SNCAIP: variants seen among roughly 807,000 people sequenced by gnomAD.
The protein encoded by SNCAIP is synuclein alpha interacting protein.
A neutral mutation model predicts 86.7 loss-of-function variants in SNCAIP; 43 were observed. The ratio of observed to expected loss-of-function variants is 0.50; its 90% CI spans 0.39 to 0.64. The LOEUF (loss-of-function observed/expected upper bound fraction) is 0.64, where lower values mean the gene tolerates loss of function less well. Among genes scored for constraint, SNCAIP ranks in the 30% least tolerant of loss-of-function variants. SNCAIP has a pLI of 0.00. For missense variants in SNCAIP, 981 were observed against 1,103.1 expected (o/e 0.89, Z 1.57); for synonymous variants, 417 against 427.2 (o/e 0.98, Z 0.29).
At chr5:122,416,097 A>T (rs1327718365) in intron 3 of SNCAIP, among the ~76,000 whole-genome samples, 2 of 152,214 alleles carry the variant, frequency 1.3e-5, no homozygotes, top group Non-Finnish European at 2.9e-5. Flanking sequence ...TTGGTGAAGT[A>T]TCTTTTCTAT....
At chr5:122,454,646 G>A (rs1784362227) in intron 10 of SNCAIP, 1 of 152,676 alleles carries the variant, frequency 6.5e-6, no homozygotes, top group African/African-American at 2.4e-5. Context: ...TGGGAGGAAT[G>A]TGTTTTCTGG....
chr5:122,382,784 C>A (rs1767150532), intron 1 of SNCAIP, among the ~76,000 whole-genome samples: 1 of 152,188 alleles, frequency 6.6e-6, no homozygotes, highest in African/African-American at 2.4e-5. Flanking sequence ...AGCTGCAGGT[C>A]TGTTGGAATA....
At chr5:122,411,357 T>G (rs1774077921) in intron 3 of SNCAIP, among the ~76,000 whole-genome samples, 1 of 152,200 alleles carries the variant, frequency 6.6e-6, no homozygotes, top group South Asian at 2.1e-4. Flanking sequence ...CCATCCCATC[T>G]TCCCATACTT....
intron 2 of SNCAIP, among the ~76,000 whole-genome samples, chr5:122,397,464 G>A (rs1369068233): frequency 6.6e-6 from 1 of 151,990 alleles, no homozygotes; most frequent in Non-Finnish European, 1.5e-5. Flanking sequence ...GAGTTACTGA[G>A]TTTTCTCAAA....
intron 1 of SNCAIP, among the ~76,000 whole-genome samples, chr5:122,337,671 T>C (rs975838476): frequency 6.6e-6 from 1 of 152,186 alleles, no homozygotes; most frequent in Non-Finnish European, 1.5e-5. Flanking sequence ...CCCAAGAAGC[T>C]GGGACTGCAG....
chr5:122,434,508 A>C (rs1778998295), intron 6 of SNCAIP, among the ~76,000 whole-genome samples: 1 of 152,182 alleles, frequency 6.6e-6, no homozygotes, highest in Non-Finnish European at 1.5e-5. Context: ...CTAGAGGAAA[A>C]TATGGAAATT....
In SNCAIP at chr5:122,444,892, G is replaced by T; in HGVS notation, c.1592+160G>T. 5 of 711,628 alleles carry T rather than the reference G, an allele frequency of 7.0e-6. No homozygotes were observed. The South Asian group carries it at 7.7e-5, about 11-fold the overall frequency. 44.1% of individuals were successfully genotyped at this position (711,628 alleles called of 1,614,324 possible). A position where few individuals can be genotyped will look rare whatever the true frequency, so the allele number is the denominator to read the frequency against. On this transcript the variant is annotated intron_variant, in intron 8 of 10. Transcript: ENST00000261368. ...TCCATCCAAAGTCCTCACAGCCAGC[G>T]TTCGTGCTGAAGATGCCATCTCTGC... is the stretch of plus-strand genomic sequence containing the variant.
At chr5:122,407,279 A>G (rs2152885515) in intron 3 of SNCAIP, among the ~76,000 whole-genome samples, 1 of 152,298 alleles carries the variant, frequency 6.6e-6, no homozygotes. Context: ...AAAACCAGCA[A>G]AGAGTGTTGA....
intron 1 of SNCAIP, among the ~76,000 whole-genome samples, chr5:122,345,112 T>C (rs938727647): frequency 6.6e-6 from 1 of 152,164 alleles, no homozygotes; most frequent in African/African-American, 2.4e-5. Context: ...CCACTGAAAT[T>C]TTATATGACA....
intron 3 of SNCAIP, among the ~76,000 whole-genome samples, chr5:122,420,310 A>G (rs1046257179): frequency 8.5e-5 from 13 of 152,204 alleles, no homozygotes; most frequent in Non-Finnish European, 1.9e-4. Context: ...TATGGTATCC[A>G]TTTCCCTGTA....
At chr5:122,400,034 A>C (rs1270972426) in intron 2 of SNCAIP, among the ~76,000 whole-genome samples, 1 of 152,112 alleles carries the variant, frequency 6.6e-6, no homozygotes, top group Non-Finnish European at 1.5e-5. Flanking sequence ...ATTTTGTAGA[A>C]GTGATACCCA....
At chr5:122,381,225 C>T (rs1692663641) in intron 1 of SNCAIP, among the ~76,000 whole-genome samples, 1 of 133,714 alleles carries the variant, frequency 7.5e-6, no homozygotes, top group Non-Finnish European at 1.6e-5. Flanking sequence ...CTGGGTGCTC[C>T]TGTATTGGGT....
In SNCAIP at chr5:122,451,076, G is replaced by T. The variant is rs1158154665; in HGVS notation, c.2229G>T (p.Leu743=). 6.2e-7 allele frequency: 1 copy of T among 1,613,984 alleles called. No homozygotes were observed. Among genetic ancestry groups the T allele is most frequent in the African/African-American group, 1.3e-5 (1 of 74,882 alleles). ...FPFSIKASKS[L]DGHSPSPTSE... is the part of the protein sequence containing the mutation. Reference sequence around the variant, plus strand: ...TCAGCATCAAGGCCTCCAAATCCCTGGATGGCCACAGCCCATCTCCCACCT... The same window carrying T: ...TCAGCATCAAGGCCTCCAAATCCCTTGATGGCCACAGCCCATCTCCCACCT... The change falls in exon 10 of 11, where the codon CTG becomes CTT. Residue 743 remains leucine (L), a synonymous_variant. Transcript: ENST00000261368.
In SNCAIP at chr5:122,450,839, A is replaced by G; in HGVS notation, c.1992A>G (p.Leu664=). 7.4e-6 allele frequency: 12 copies of G among 1,614,176 alleles called. No homozygotes were observed. The highest frequency in any genetic ancestry group is 1.3e-5 in the African/African-American group (1 of 75,062). ...CACTGGAGAAGAGGGAACTGAAGTT[A>G]GCCAGGCTGAGACAGCTGATGCAGA... ...KIPLEKRELK[L]ARLRQLMQRS... is the part of the protein sequence containing the mutation. Residue 664 remains leucine (L), a synonymous_variant, in exon 10 of 11, where the codon TTA becomes TTG. Coordinates refer to ENST00000261368, the MANE Select transcript of SNCAIP (RefSeq NM_005460.4).
intron 6 of SNCAIP, among the ~76,000 whole-genome samples, chr5:122,436,058 A>T (rs780268868): frequency 1.3e-5 from 2 of 152,160 alleles, no homozygotes; most frequent in Non-Finnish European, 2.9e-5. Flanking sequence ...GTCAGGGGTC[A>T]TGAGGGGATG....
intron 6 of SNCAIP, among the ~76,000 whole-genome samples, chr5:122,432,823 T>A (rs1778675190): frequency 6.6e-6 from 1 of 152,148 alleles, no homozygotes; most frequent in Non-Finnish European, 1.5e-5. Context: ...TTTAAAAAAC[T>A]GGAACCACAA....
intron 1 of SNCAIP, among the ~76,000 whole-genome samples, chr5:122,358,506 T>G (rs1196384871): frequency 6.6e-6 from 1 of 151,904 alleles, no homozygotes; most frequent in Admixed American, 6.6e-5. Flanking sequence ...ATAAAATTCT[T>G]ATCTGACTTC....
intron 2 of SNCAIP, among the ~76,000 whole-genome samples, chr5:122,393,644 G>C (rs1769928015): frequency 6.6e-6 from 1 of 152,132 alleles, no homozygotes; most frequent in Non-Finnish European, 1.5e-5. Context: ...GTAGAGACCA[G>C]AGAGGCTTCT....
chr5:122,384,799 T>G (rs1023433794), intron 1 of SNCAIP, among the ~76,000 whole-genome samples: 3 of 152,176 alleles, frequency 2.0e-5, no homozygotes, highest in Non-Finnish European at 4.4e-5. Context: ...TGCCAGAAAT[T>G]TGATATTCCA....
Sources: allele counts gnomAD v4.1 joint callset (sites outside exome capture counted in the v4.1 genomes callset), GRCh38; gene constraint gnomAD v4.1.1; transcripts MANE v1.5; gene names NCBI Gene and HGNC (gene_info 2026-07-23, HGNC 2026-07-21).